BUB3: variants seen among roughly 807,000 people sequenced by gnomAD.
BUB3 encodes BUB3 mitotic checkpoint protein, also known as mitotic checkpoint protein BUB3.
In BUB3, 22 loss-of-function variants were observed where a neutral mutation model predicts 39.9. The observed-to-expected ratio is 0.55, with a 90% CI of 0.39 to 0.79. The LOEUF is 0.79. Ranked by LOEUF, BUB3 falls within the 30% of genes least tolerant of loss-of-function variation. The pLI is 0.00. For synonymous variants in BUB3, 168 were observed against 155.1 expected, an observed-to-expected ratio of 1.08 and a Z score of -0.62; for missense variants, 303 against 415.4, an observed-to-expected ratio of 0.73 and a Z score of 2.35.
rs1383583307 is a variant in BUB3 at position 123,162,340 on chromosome 10, A to G, written c.681A>G (p.Lys227=). Residue 227 remains lysine (K), a synonymous_variant, in exon 6 of 8, where the codon AAA becomes AAG. Transcript: ENST00000368865. ...KKYAFKCHRL[K]ENNIEQIYPV... is the part of the protein sequence containing the mutation. ...ATGCCTTCAAATGTCACAGACTAAA[A>G]GAAAATAATATTGAGCAGATTTACC... The G allele has an allele frequency of 1.9e-6, 3 of 1,614,064 alleles. No homozygotes were observed. Among genetic ancestry groups the G allele is most frequent in the Non-Finnish European group, 2.5e-6 (3 of 1,180,014 alleles).
rs1236640384 is a variant in BUB3 at position 123,170,226 on chromosome 10, C to A, written c.*6391C>A. The A allele has an allele frequency of 6.6e-6, 1 of 152,202 alleles. No individual in the cohort carries two copies. Among genetic ancestry groups the A allele is most frequent in the African/African-American group, 2.4e-5 (1 of 41,454 alleles). 9.4% of individuals were successfully genotyped at this position (152,202 alleles called of 1,614,324 possible). A position where few individuals can be genotyped will look rare whatever the true frequency, so the allele number is the denominator to read the frequency against. ...TGAAAAATATTTAACACTTCACTCT[C>A]AGATATAATTATTAGCTGACTTTTT... is the stretch of plus-strand genomic sequence containing the variant. On this transcript the variant is annotated 3_prime_UTR_variant, in exon 8 of 8. Coordinates refer to ENST00000368865, the MANE Select transcript of BUB3 (RefSeq NM_004725.4).
rs1448861332 is a variant in BUB3 at position 123,167,508 on chromosome 10, A to G, written c.*3673A>G. 1 of 152,232 alleles carries G rather than the reference A, an allele frequency of 6.6e-6. No homozygotes were observed. The highest frequency in any genetic ancestry group is 1.5e-5 in the Non-Finnish European group (1 of 68,030). The allele number at this position is 152,232 out of a possible 1,614,324, so 9.4% of individuals were successfully genotyped here. A position where few individuals can be genotyped will look rare whatever the true frequency, so the allele number is the denominator to read the frequency against. Reference sequence around the variant, plus strand: ...TTGCTTTCCTACTTAAAGCAAGAGCAGGACCACATCTTTTTGTATGCTCTG... The same window carrying G: ...TTGCTTTCCTACTTAAAGCAAGAGCGGGACCACATCTTTTTGTATGCTCTG... On this transcript the variant is annotated 3_prime_UTR_variant, in exon 8 of 8. Coordinates refer to ENST00000368865, the MANE Select transcript of BUB3 (RefSeq NM_004725.4).
chr10:123,156,308 G>A (rs1844347189), intron 3 of BUB3, among the ~76,000 whole-genome samples: 4 of 152,256 alleles, frequency 2.6e-5, no homozygotes, highest in Admixed American at 6.5e-5. Flanking sequence ...CATTGGCACA[G>A]TGTTAGAGAT....
chr10:123,162,454 A>G (rs1329092955), intron 6 of BUB3, 41 bp downstream of exon 6: 8 of 1,592,920 alleles, frequency 5.0e-6, no homozygotes, highest in Non-Finnish European at 6.0e-6. Flanking sequence ...TTATTATACT[A>G]TTTGGTGCTT....
Position 123,160,445 on chromosome 10 carries a change from G to A in BUB3, c.456G>A (p.Val152=), listed in dbSNP as rs1317416313. Residue 152 remains valine, a synonymous_variant, in exon 5 of 8, where the codon GTG becomes GTA. Transcript: ENST00000368865. The part of the protein sequence containing the change: ...TLSVSGDRLI[V]GTAGRRVLVW... ...CAGTGTCTGGAGACCGGCTGATTGT[G>A]GGAACAGCAGGCCGCAGAGTGTTGG... is the stretch of plus-strand genomic sequence containing the variant. 2 of 1,611,904 alleles carry A rather than the reference G, an allele frequency of 1.2e-6. No individual in the cohort carries two copies. The highest frequency in any genetic ancestry group is 1.3e-5 in the African/African-American group (1 of 74,754).
rs900668908 is a variant in BUB3, at chr10:123,167,737, C to G, written c.*3902C>G. 2.0e-5 allele frequency: 3 copies of G among 152,108 alleles called. No individual in the cohort carries two copies. Among genetic ancestry groups the G allele is most frequent in the Admixed American group, 6.5e-5 (1 of 15,272 alleles). 9.4% of individuals were successfully genotyped at this position (152,108 alleles called of 1,614,324 possible). The stretch of plus-strand genomic sequence containing the variant: ...GATAGCATGCAAAAAATGAAACATA[C>G]TATCACAATCCTATGATATAACTTA... On this transcript the variant is annotated 3_prime_UTR_variant, in exon 8 of 8. Transcript: ENST00000368865.
At chr10:123,158,170 A>C (rs1198310703) in intron 4 of BUB3, among the ~76,000 whole-genome samples, 1 of 152,198 alleles carries the variant, frequency 6.6e-6, no homozygotes, top group Non-Finnish European at 1.5e-5. Flanking sequence ...CTTTTCAGAG[A>C]AGTCATTTAG....
chr10:123,162,702 T>G lies in BUB3; in HGVS notation c.845T>G (p.Leu282Arg), dbSNP rs775227343. The change falls in exon 7 of 8, where the codon CTT (leucine) becomes CGT (arginine). Residue 282 changes from leucine (L) to arginine (R), a missense_variant. Physicochemically the swap from Leu to Arg is moderately radical, Grantham distance 102 (BLOSUM62 -2). Around this residue, in one of 2 missense-constraint regions of BUB3, gnomAD observed 182 missense variants for 293.1 expected, o/e 0.62. Coordinates refer to ENST00000368865, the MANE Select transcript of BUB3 (RefSeq NM_004725.4). ...FHRYPTSIASLAFSNDGTTLA... is the reference protein window; with the variant it reads ...FHRYPTSIASRAFSNDGTTLA... ...CGGTACCCCACGAGCATCGCATCAC[T>G]TGCCTTCAGTAATGATGGGACTACG... is the stretch of plus-strand genomic sequence containing the variant. 6.2e-7 allele frequency: 1 copy of G among 1,612,792 alleles called. No homozygotes were observed. Among genetic ancestry groups the G allele is most frequent in the Non-Finnish European group, 8.5e-7 (1 of 1,179,696 alleles).
At position 123,164,297 on chromosome 10, in the gene BUB3, T is replaced by A. The variant is rs1844460263; in HGVS notation, c.*462T>A. ...CTTCATGAGGAGGTTAATCTACAAT[T>A]AAACAATATTTCCTCTTGGCCGTCC... On this transcript the variant is annotated 3_prime_UTR_variant, in exon 8 of 8. Coordinates refer to ENST00000368865, the MANE Select transcript of BUB3 (RefSeq NM_004725.4). The A allele has an allele frequency of 2.0e-6, 2 of 986,200 alleles. No individual in the cohort carries two copies. Among genetic ancestry groups the A allele is most frequent in the African/African-American group, 3.5e-5 (2 of 57,270 alleles). 61.1% of individuals were successfully genotyped at this position (986,200 alleles called of 1,614,324 possible).
rs557900034 is a variant in BUB3, at chr10:123,157,847, T to C, written c.384T>C (p.Pro128=). ...TTAAACTGTGGGATCCCAGAACTCC[T>C]TGTAATGCTGGGACCTTCTCTCAGC... The part of the protein sequence containing the change: ...QTVKLWDPRT[P]CNAGTFSQPE... Residue 128 remains proline (P), a synonymous_variant, in exon 4 of 8, where the codon CCT becomes CCC. Transcript: ENST00000368865. 5.0e-6 allele frequency: 8 copies of C among 1,614,054 alleles called. No individual in the cohort carries two copies. The South Asian group carries it at 8.8e-5, about 18-fold the overall frequency.
Position 123,156,935 on chromosome 10 carries a change from G to A in BUB3, c.266-794G>A, listed in dbSNP as rs547827675. Among the ~76,000 whole-genome samples, 11 of 152,092 alleles carry A rather than the reference G, an allele frequency of 7.2e-5. No individual in the cohort carries two copies. In the South Asian group the frequency reaches 2.1e-3, roughly 29 times the overall value. On this transcript the variant is annotated intron_variant, in intron 3 of 7. Coordinates refer to ENST00000368865, the MANE Select transcript of BUB3 (RefSeq NM_004725.4). ...ATTTTTGTATTTTTTAGTAGAGGCG[G>A]GGTTTCACTGTGTTGTCCAGGATGG...
Position 123,162,753 on chromosome 10 carries a change from A to G in BUB3, c.896A>G (p.Tyr299Cys). 1 of 1,614,042 alleles carries G rather than the reference A, an allele frequency of 6.2e-7. No homozygotes were observed. The highest frequency in any genetic ancestry group is 8.5e-7 in the Non-Finnish European group (1 of 1,179,982). The change falls in exon 7 of 8, where the codon TAT (tyrosine) becomes TGT (cysteine). Residue 299 changes from tyrosine to cysteine, a missense_variant. Around this residue, in one of 2 missense-constraint regions of BUB3, gnomAD observed 182 missense variants for 293.1 expected, o/e 0.62. Transcript: ENST00000368865. Reference protein sequence around the residue: ...TTLAIASSYMYEMDDTEHPED... With the variant: ...TTLAIASSYMCEMDDTEHPED... ...CTTGCAATAGCGTCATCATATATGT[A>G]TGAAATGGATGACACAGAACATCCT...
chr10:123,163,418 C>T (rs971544179), intron 7 of BUB3, among the ~76,000 whole-genome samples: 13 of 152,188 alleles, frequency 8.5e-5, no homozygotes, highest in African/African-American at 2.7e-4. Context: ...TACTTAATTA[C>T]CTCTACCAGG....
intron 2 of BUB3, among the ~76,000 whole-genome samples, chr10:123,155,321 T>TA (rs1274757456): frequency 6.6e-6 from 1 of 152,220 alleles, no homozygotes; most frequent in Admixed American, 6.5e-5. Context: ...CCTTTTCTGT[T>TA]ACACGCTTGT....
rs1164419596 is a variant in BUB3 at position 123,155,028 on chromosome 10, G to A, written c.111G>A (p.Thr37=). 2 of 1,614,176 alleles carry A rather than the reference G, an allele frequency of 1.2e-6. No homozygotes were observed. The stretch of plus-strand genomic sequence containing the variant: ...TCCTGCTTGTCTCCTCCTGGGACAC[G>A]TCCGTGCGTCTCTACGATGTGCCGG... ...SQFLLVSSWD[T]SVRLYDVPAN... is the part of the protein sequence containing the mutation. The change falls in exon 2 of 8, where the codon ACG becomes ACA. Residue 37 remains threonine (T), a synonymous_variant. Transcript: ENST00000368865.
chr10:123,169,904 A>C lies in BUB3; in HGVS notation c.*6069A>C, dbSNP rs556359578. 34 of 152,300 alleles carry C rather than the reference A, an allele frequency of 2.2e-4. No homozygotes were observed. Among genetic ancestry groups the C allele is most frequent in the African/African-American group, 7.9e-4 (33 of 41,568 alleles). 9.4% of individuals were successfully genotyped at this position (152,300 alleles called of 1,614,324 possible). Reference sequence around the variant, plus strand: ...TGACCCATCTCTACAAAAGATACAAAAATTAACTGGATGTGGTGGTGCATG... The same window carrying C: ...TGACCCATCTCTACAAAAGATACAACAATTAACTGGATGTGGTGGTGCATG... On this transcript the variant is annotated 3_prime_UTR_variant, in exon 8 of 8. Transcript: ENST00000368865.
At position 123,164,529 on chromosome 10, in the gene BUB3, A is replaced by G. The variant is rs1844463607; in HGVS notation, c.*694A>G. On this transcript the variant is annotated 3_prime_UTR_variant, in exon 8 of 8. Transcript: ENST00000368865. ...CCCAGAAGGGCAAATTGTTTGAGTC[A>G]GTAATGAGCTGAGAAAAGACAGAGC... 2.0e-6 allele frequency: 2 copies of G among 985,974 alleles called. No individual in the cohort carries two copies. Among genetic ancestry groups the G allele is most frequent in the Admixed American group, 1.2e-4 (2 of 16,332 alleles). 61.1% of individuals were successfully genotyped at this position (985,974 alleles called of 1,614,324 possible). A position where few individuals can be genotyped will look rare whatever the true frequency, so the allele number is the denominator to read the frequency against.
chr10:123,157,543 A>C (rs1844365650), intron 3 of BUB3, among the ~76,000 whole-genome samples, 186 bp from the exon 4 acceptor site: 1 of 152,236 alleles, frequency 6.6e-6, no homozygotes, highest in Admixed American at 6.5e-5. Context: ...AGGTGAACAG[A>C]GAGGAACGGA....
rs1844516802 is a variant in BUB3, at chr10:123,168,597, G to GTCGCCAGGCT, written c.*4762_*4763insTCGCCAGGCT. ...ACAGTCTCGTTCTGTCGCCCAGGCT[G>GTCGCCAGGCT]GAGTGCAAGTGGCGCGATCTCCGCT... On this transcript the variant is annotated 3_prime_UTR_variant, in exon 8 of 8. Transcript: ENST00000368865. 6.6e-6 allele frequency: 1 copy of GTCGCCAGGCT among 151,980 alleles called. No homozygotes were observed. The highest frequency in any genetic ancestry group is 2.4e-5 in the African/African-American group (1 of 41,384). 9.4% of individuals were successfully genotyped at this position (151,980 alleles called of 1,614,324 possible).
Sources: gnomAD v4.1 joint callset for allele counts (sites outside exome capture counted in the v4.1 genomes callset) on GRCh38, gnomAD v4.1.1 for gene constraint, gnomAD v4.1.1 regional missense constraint, MANE v1.5 for transcripts, NCBI Gene and HGNC (gene_info 2026-07-23, HGNC 2026-07-21) for gene names.